Variants in ARAP3 observed in about 807,000 individuals in gnomAD.
The protein encoded by ARAP3 is arf-GAP with Rho-GAP domain, ANK repeat and PH domain-containing protein 3.
A neutral mutation model predicts 169.2 loss-of-function variants in ARAP3; 82 were observed. The observed-to-expected ratio is 0.48, with a 90% CI of 0.41 to 0.58. The LOEUF (loss-of-function observed/expected upper bound fraction) is 0.58. Ranked by LOEUF, ARAP3 falls within the 20% of genes least tolerant of loss-of-function variation. ARAP3 has a pLI of 0.00. For synonymous variants in ARAP3, 791 were observed against 800.3 expected (o/e 0.99, Z 0.20); for missense variants, 1,764 against 2,018.0 (o/e 0.87, Z 2.41).
chr5:141,656,015 CAG>C (rs1214934798), intron 29 of ARAP3, 47 bp downstream of exon 29: 1 of 1,613,916 alleles, frequency 6.2e-7, no homozygotes. Flanking sequence ...AGAGAAAAGA[CAG>C]GGTGCAGAGG....
chr5:141,673,959 C>CTTTTTTTTTTTT (rs10712701), intron 4 of ARAP3, 151 bp from the exon 5 acceptor site: 27 of 364,808 alleles, frequency 7.4e-5, no homozygotes, highest in African/African-American at 2.4e-4. Flanking sequence ...TTCTTTTCTT[C>CTTTTTTTTTTTT]TTTTTTTTTT....
chr5:141,670,507 C>G lies in ARAP3; in HGVS notation c.2107+5G>C, dbSNP rs1462819140. On this transcript the variant is annotated splice_donor_5th_base_variant and intron_variant, in intron 14 of 32. Coordinates refer to ENST00000239440, the MANE Select transcript of ARAP3 (RefSeq NM_022481.6). The stretch of plus-strand genomic sequence containing the variant: ...GTATCCTCCCATCCCTTGGCTCCCC[C>G]TCACCATCCCGGCCCCTGCGAGGGG... The G allele has an allele frequency of 3.1e-6, 5 of 1,613,126 alleles. No individual in the cohort carries two copies. The highest frequency in any genetic ancestry group is 4.2e-6 in the Non-Finnish European group (5 of 1,179,294).
At position 141,667,915 on chromosome 5, in the gene ARAP3, G is replaced by A. The variant is rs547158636; in HGVS notation, c.2353-1272C>T. ...AAATTAGCCGGGCGAGGTCATGTGCGCCTGTAGTCCCAGCTACTCAGGAGG... is the reference window on the plus strand; with the variant it reads ...AAATTAGCCGGGCGAGGTCATGTGCACCTGTAGTCCCAGCTACTCAGGAGG... On this transcript the variant is annotated intron_variant, in intron 16 of 32. Coordinates refer to ENST00000239440, the MANE Select transcript of ARAP3 (RefSeq NM_022481.6). Among the ~76,000 whole-genome samples, 698 of 151,606 alleles carry A rather than the reference G, an allele frequency of 4.6e-3. 4 individuals carry two copies. The highest frequency in any genetic ancestry group is 0.014 in the African/African-American group (599 of 41,384).
chr5:141,680,561 C>A, intron 1 of ARAP3, 58 bp from the exon 2 acceptor site: 1 of 1,501,986 alleles, frequency 6.7e-7, no homozygotes, highest in East Asian at 2.3e-5. Context: ...CTCTCTGCCC[C>A]AGAGTCTGAG....
chr5:141,657,578 G>T (rs1359903393), intron 25 of ARAP3, among the ~76,000 whole-genome samples: 1 of 152,224 alleles, frequency 6.6e-6, no homozygotes, highest in Non-Finnish European at 1.5e-5. Context: ...CCCCTTTCTG[G>T]GGCCACACAT....
chr5:141,671,623 C>T lies in ARAP3; in HGVS notation c.1801G>A (p.Gly601Ser). 6.2e-7 allele frequency: 1 copy of T among 1,614,046 alleles called. No homozygotes were observed. The highest frequency in any genetic ancestry group is 8.5e-7 in the Non-Finnish European group (1 of 1,179,978). Residue 601 changes from glycine to serine, a missense_variant, in exon 12 of 33, where the codon GGT becomes AGT. Around this residue, in one of 3 missense-constraint regions of ARAP3, gnomAD observed 1,112 missense variants for 1,285.7 expected, o/e 0.86. Coordinates refer to ENST00000239440, the MANE Select transcript of ARAP3 (RefSeq NM_022481.6). The surrounding 1 kb of genome is among the most constrained non-coding windows in gnomAD (Gnocchi z 4.9). ...TGAGGGTGGGGCTTCCGGAAGAGAC[C>T]CAGACGGTACTTTCGGGAGATGAAC... ...GEFISRKYRLGLFRKPHPQYP... is the reference protein window; with the variant it reads ...GEFISRKYRLSLFRKPHPQYP...
At position 141,680,226 on chromosome 5, in the gene ARAP3, CGG is replaced by C. The variant is rs1562430308; in HGVS notation, c.259_260del (p.Pro87AlafsTer6). The C allele has an allele frequency of 1.2e-6, 2 of 1,612,822 alleles. No homozygotes were observed. The highest frequency in any genetic ancestry group is 4.5e-5 in the East Asian group (2 of 44,806). On this transcript the variant is annotated frameshift_variant, in exon 2 of 33. Transcript: ENST00000239440. LOFTEE classifies it high-confidence loss of function. ...GCACGGGCTTAGGGGGCTGGGCTTG[CGG>C]GGCTGGGCTGGGGGATGGTTCCATG... ...SAMEPSPSPA[P>X]QAQPPKPVPK...
At chr5:141,655,595 G>C in intron 31 of ARAP3, 26 bp downstream of exon 31, 1 of 1,613,868 alleles carries the variant, frequency 6.2e-7, no homozygotes, top group Non-Finnish European at 8.5e-7. Context: ...ACAGGAATCG[G>C]GTTGGGGCAG....
At chr5:141,680,614 A>T (rs559571303) in intron 1 of ARAP3, 111 bp from the exon 2 acceptor site, 150 of 1,414,750 alleles carry the variant, frequency 1.1e-4, no homozygotes, top group Admixed American at 1.7e-4. Context: ...CTCCAAAGAA[A>T]GATGCTGAAA....
rs2099911279 is a variant in ARAP3, at chr5:141,670,544, G to T, written c.2075C>A (p.Ala692Asp). 6.2e-7 allele frequency: 1 copy of T among 1,613,956 alleles called. No homozygotes were observed. Among genetic ancestry groups the T allele is most frequent in the Non-Finnish European group, 8.5e-7 (1 of 1,179,962 alleles). The part of the protein sequence containing the change: ...FLYCSPVSNK[A>D]GPSPPRRGRD... ...GCCCCTGCGAGGGGGTGAGGGTCCA[G>T]CTTTGTTGCTGACGGGACTGCAGTA... Residue 692 changes from alanine to aspartate, a missense_variant, in exon 14 of 33, where the codon GCT becomes GAT. Ala to Asp is a moderately radical substitution (Grantham distance 126, BLOSUM62 -2). Transcript: ENST00000239440.
intron 1 of ARAP3, among the ~76,000 whole-genome samples, chr5:141,681,729 A>AG (rs2099913008): frequency 6.6e-6 from 1 of 152,072 alleles, no homozygotes; most frequent in Non-Finnish European, 1.5e-5. Context: ...GCCTCGGCCT[A>AG]GGCTCTCTCC....
chr5:141,679,939 C>T, intron 2 of ARAP3, 24 bp downstream of exon 2: 4 of 1,613,772 alleles, frequency 2.5e-6, no homozygotes, highest in Non-Finnish European at 3.4e-6. Flanking sequence ...CAGCATCAGT[C>T]CCTAGGGAGC....
At chr5:141,654,551 A>G (rs2099908943) in intron 32 of ARAP3, 116 bp from the exon 33 acceptor site, 6 of 1,429,586 alleles carry the variant, frequency 4.2e-6, no homozygotes, top group Non-Finnish European at 5.6e-6. Context: ...CTTGGCATGT[A>G]TGATTCTGGA....
chr5:141,677,852 T>C (rs748691467), intron 4 of ARAP3, among the ~76,000 whole-genome samples: 3 of 152,168 alleles, frequency 2.0e-5, no homozygotes, highest in Non-Finnish European at 4.4e-5. Context: ...TGGCATGATC[T>C]TGACTTGCTG....
Position 141,671,808 on chromosome 5 carries a change from T to C in ARAP3, c.1672-56A>G. 6.2e-7 allele frequency: 1 copy of C among 1,607,608 alleles called. No homozygotes were observed. The highest frequency in any genetic ancestry group is 1.1e-5 in the South Asian group (1 of 90,418). ...ACAGGAACTCAAGAGTCCTCAGATG[T>C]TCCATTCCTGTCCCCAGGCTGGCCC... On this transcript the variant is annotated intron_variant, in intron 11 of 32. Coordinates refer to ENST00000239440, the MANE Select transcript of ARAP3 (RefSeq NM_022481.6). This position sits in a 1 kb window ranked among gnomAD's most constrained non-coding sequence, Gnocchi z 4.9.
chr5:141,678,871 T>C lies in ARAP3; in HGVS notation c.698+674A>G, dbSNP rs75943228. On this transcript the variant is annotated intron_variant, in intron 4 of 32. Coordinates refer to ENST00000239440, the MANE Select transcript of ARAP3 (RefSeq NM_022481.6). ...GTTCTATAGTATTTAATGTATTATG[T>C]TTATTGTTAATAGACTATCTCCCCA... Among the ~76,000 whole-genome samples the C allele has an allele frequency of 9.2e-3, 1,404 of 152,352 alleles. 11 individuals carry two copies. Among genetic ancestry groups the C allele is most frequent in the Non-Finnish European group, 0.013 (901 of 68,038 alleles).
chr5:141,662,271 C>T lies in ARAP3; in HGVS notation c.2801-16G>A, dbSNP rs1343970501. The T allele has an allele frequency of 4.3e-6, 7 of 1,612,742 alleles. No individual in the cohort carries two copies. The highest frequency in any genetic ancestry group is 2.2e-5 in the East Asian group (1 of 44,878). On this transcript the variant is annotated splice_polypyrimidine_tract_variant and intron_variant, in intron 19 of 32. Coordinates refer to ENST00000239440, the MANE Select transcript of ARAP3 (RefSeq NM_022481.6). ...AGCCGGAGCCCTGAGGAGAGCCAGC[C>T]GTCTCTGCTCACCATGGTGCAAAGG... is the stretch of plus-strand genomic sequence containing the variant.
chr5:141,664,470 C>T (rs1223461015), intron 19 of ARAP3, among the ~76,000 whole-genome samples: 8 of 152,166 alleles, frequency 5.3e-5, no homozygotes, highest in Non-Finnish European at 2.9e-5. Context: ...GCCCAGAAAA[C>T]CTCCCACACA....
intron 19 of ARAP3, among the ~76,000 whole-genome samples, chr5:141,663,620 G>T (rs1014735632): frequency 2.0e-5 from 3 of 152,220 alleles, no homozygotes; most frequent in African/African-American, 7.2e-5. Flanking sequence ...TTCTCACTGG[G>T]CCTCTGACTT....
Sources: allele counts gnomAD v4.1 joint callset (sites outside exome capture counted in the v4.1 genomes callset), GRCh38; gene constraint gnomAD v4.1.1; regional missense constraint gnomAD v4.1.1; non-coding constraint Gnocchi (gnomAD v3.1); transcripts MANE v1.5; gene names NCBI Gene and HGNC (gene_info 2026-07-23, HGNC 2026-07-21).